DLGAP5: variants seen among roughly 807,000 people sequenced by gnomAD.
The protein encoded by DLGAP5 is disks large-associated protein 5.
DLGAP5 carries 90 observed loss-of-function variants against 99.6 expected under a neutral mutation model. That is an observed-to-expected ratio of 0.90 (90% CI 0.76 to 1.08). DLGAP5 has a LOEUF of 1.08. DLGAP5 is among the 50% of genes least tolerant of loss of function. The probability of loss-of-function intolerance (pLI) is 0.00; values close to 1 mark genes in which losing one functional copy is unlikely to be tolerated. For synonymous variants in DLGAP5, 311 were observed against 321.3 expected, an observed-to-expected ratio of 0.97 and a Z score of 0.34; for missense variants, 1,036 against 983.5, an observed-to-expected ratio of 1.05 and a Z score of -0.71.
chr14:55,169,927 G>A (rs753072760), intron 11 of DLGAP5, among the ~76,000 whole-genome samples: 1 of 152,116 alleles, frequency 6.6e-6, no homozygotes, highest in Non-Finnish European at 1.5e-5. Flanking sequence ...CTGAGGTCAG[G>A]AGTTCGAGAC....
chr14:55,157,893 G>A (rs1156266742), intron 14 of DLGAP5, among the ~76,000 whole-genome samples: 1 of 152,160 alleles, frequency 6.6e-6, no homozygotes, highest in Admixed American at 6.5e-5. Flanking sequence ...CTCCCAAGTA[G>A]GTGGGACTAC....
At chr14:55,190,414 C>A (rs1405017429) in intron 1 of DLGAP5, among the ~76,000 whole-genome samples, 1 of 152,066 alleles carries the variant, frequency 6.6e-6, no homozygotes, top group African/African-American at 2.4e-5. Context: ...AAGACGACGT[C>A]AGTAGATCCA....
At chr14:55,149,358 C>T (rs560984173) in intron 18 of DLGAP5, among the ~76,000 whole-genome samples, 1 of 152,232 alleles carries the variant, frequency 6.6e-6, no homozygotes, top group African/African-American at 2.4e-5. Flanking sequence ...AAGGCTAAAA[C>T]CAAGAAAGAA....
rs953878234 is a variant in DLGAP5, at chr14:55,177,422, A to C, written c.775-86T>G. The C allele has an allele frequency of 8.1e-6, 10 of 1,233,752 alleles. No homozygotes were observed. In the African/African-American group the frequency reaches 1.4e-4, roughly 17 times the overall value. The allele number at this position is 1,233,752 out of a possible 1,614,324, so 76.4% of individuals were successfully genotyped here. The stretch of plus-strand genomic sequence containing the variant: ...ATTTTTATAGGTCTGAAAATATGAC[A>C]ACAGAAATATATGTTCTATGTACAT... On this transcript the variant is annotated intron_variant, in intron 7 of 18. Transcript: ENST00000247191.
intron 10 of DLGAP5, among the ~76,000 whole-genome samples, chr14:55,173,149 A>C (rs1418886045): frequency 6.6e-6 from 1 of 151,754 alleles, no homozygotes; most frequent in African/African-American, 2.4e-5. Flanking sequence ...TAAAAAAGAA[A>C]TTAAGCTGGA....
intron 13 of DLGAP5, among the ~76,000 whole-genome samples, chr14:55,161,218 A>G (rs1044664370): frequency 8.5e-5 from 13 of 152,128 alleles, no homozygotes; most frequent in African/African-American, 3.1e-4. Flanking sequence ...AAATCTCTAT[A>G]GGACATAGCC....
intron 12 of DLGAP5, among the ~76,000 whole-genome samples, chr14:55,168,838 T>C (rs577144980): frequency 2.0e-5 from 3 of 152,270 alleles, no homozygotes; most frequent in Non-Finnish European, 4.4e-5. Context: ...CGAATCATTA[T>C]AGACTATTAA....
At position 55,183,548 on chromosome 14, in the gene DLGAP5, C is replaced by T; in HGVS notation, c.432+12G>A. 1 of 1,534,838 alleles carries T rather than the reference C, an allele frequency of 6.5e-7. No individual in the cohort carries two copies. Among genetic ancestry groups the T allele is most frequent in the Non-Finnish European group, 8.7e-7 (1 of 1,147,558 alleles). ...AAGAAACTATTCCTTTATATTAAGA[C>T]ACTAAATTTACCTTTTTTGGCTCAG... On this transcript the variant is annotated intron_variant, in intron 3 of 18. Transcript: ENST00000247191.
chr14:55,172,969 G>A (rs1021555361), intron 10 of DLGAP5, among the ~76,000 whole-genome samples: 23 of 119,054 alleles, frequency 1.9e-4, no homozygotes, highest in East Asian at 4.7e-4. Context: ...GCAACAGAGC[G>A]AGACTCCGTC....
intron 8 of DLGAP5, 81 bp from the exon 9 acceptor site, chr14:55,176,099 T>C: frequency 7.9e-7 from 1 of 1,261,950 alleles, no homozygotes; most frequent in Non-Finnish European, 1.1e-6. Flanking sequence ...TTGTGTCACT[T>C]GTAGATCTGG....
chr14:55,189,246 G>T (rs1479788377), intron 1 of DLGAP5, 66 bp from the exon 2 acceptor site: 2 of 1,276,640 alleles, frequency 1.6e-6, no homozygotes, highest in Non-Finnish European at 2.2e-6. Flanking sequence ...TAAGATTACA[G>T]TTCATTTCCT....
intron 12 of DLGAP5, among the ~76,000 whole-genome samples, chr14:55,165,534 A>ACC (rs201850173): frequency 6.8e-6 from 1 of 148,094 alleles, no homozygotes; most frequent in Non-Finnish European, 1.5e-5. Flanking sequence ...AAAAAACAAA[A>ACC]AAAAAAACCC....
intron 1 of DLGAP5, among the ~76,000 whole-genome samples, chr14:55,189,517 A>G (rs979087652): frequency 4.6e-5 from 7 of 152,186 alleles, no homozygotes; most frequent in Admixed American, 2.0e-4. Flanking sequence ...AGGACCATGT[A>G]CACAAGGGTT....
At chr14:55,154,996 T>G (rs1882157852) in intron 14 of DLGAP5, among the ~76,000 whole-genome samples, 190 bp from the exon 15 acceptor site, 1 of 152,134 alleles carries the variant, frequency 6.6e-6, no homozygotes, top group Non-Finnish European at 1.5e-5. Flanking sequence ...CCTTTTGACA[T>G]CCCACTACTT....
At chr14:55,165,542 C>CCCAAAAAAA (rs1882609710) in intron 12 of DLGAP5, among the ~76,000 whole-genome samples, 1 of 150,494 alleles carries the variant, frequency 6.6e-6, no homozygotes, top group Non-Finnish European at 1.5e-5. Flanking sequence ...AAAAAAAAAA[C>CCCAAAAAAA]CCCAAAAAAA....
intron 12 of DLGAP5, 75 bp downstream of exon 12, chr14:55,169,324 C>T: frequency 9.4e-7 from 1 of 1,064,768 alleles, no homozygotes; most frequent in South Asian, 2.5e-5. Flanking sequence ...ACTATTACCC[C>T]ATTTTACTCC....
intron 7 of DLGAP5, among the ~76,000 whole-genome samples, chr14:55,178,836 C>T (rs1158526054): frequency 6.6e-6 from 1 of 152,078 alleles, no homozygotes; most frequent in Non-Finnish European, 1.5e-5. Flanking sequence ...CACCTGAGGT[C>T]GGGAGTTCAA....
Position 55,148,200 on chromosome 14 carries a change from A to G in DLGAP5, c.*151T>C, listed in dbSNP as rs2140300482. 3 of 749,430 alleles carry G rather than the reference A, an allele frequency of 4.0e-6. No homozygotes were observed. Among genetic ancestry groups the G allele is most frequent in the Non-Finnish European group, 6.2e-6 (3 of 482,892 alleles). The allele number at this position is 749,430 out of a possible 1,614,324, so 46.4% of individuals were successfully genotyped here. ...ATCCCCACTTCCCTTGAGAAAGAGT[A>G]TATCTAAAATACACTTTGATGAACA... On this transcript the variant is annotated 3_prime_UTR_variant, in exon 19 of 19. Transcript: ENST00000247191.
intron 12 of DLGAP5, among the ~76,000 whole-genome samples, chr14:55,168,825 G>A (rs910494218): frequency 6.6e-6 from 1 of 152,032 alleles, no homozygotes; most frequent in Non-Finnish European, 1.5e-5. Context: ...ATTTCTCACA[G>A]GTCGAATCAT....
Sources: gnomAD v4.1 joint callset for allele counts (sites outside exome capture counted in the v4.1 genomes callset) on GRCh38, gnomAD v4.1.1 for gene constraint, MANE v1.5 for transcripts, NCBI Gene and HGNC (gene_info 2026-07-23, HGNC 2026-07-21) for gene names.